The following SEC24B variants were observed in gnomAD, a reference collection of about 807,000 sequenced individuals.
SEC24B encodes protein transport protein Sec24B.
In SEC24B, 45 loss-of-function variants were observed where a neutral mutation model predicts 142.8. The observed-to-expected ratio is 0.32, with a 90% CI of 0.25 to 0.40. The LOEUF (loss-of-function observed/expected upper bound fraction) is 0.40. SEC24B is among the 10% of genes least tolerant of loss of function. The pLI is 1.00. For synonymous variants in SEC24B, 574 were observed against 568.2 expected (o/e 1.01, Z -0.15); for missense variants, 1,409 against 1,526.8 (o/e 0.92, Z 1.29).
intron 22 of SEC24B, among the ~76,000 whole-genome samples, chr4:109,534,512 G>A (rs925543612): frequency 3.9e-5 from 6 of 151,908 alleles, no homozygotes; most frequent in East Asian, 1.9e-4. Flanking sequence ...GTGTGAACTC[G>A]GGAGGCGGAG....
chr4:109,517,863 G>A lies in SEC24B; in HGVS notation c.2126+1223G>A, dbSNP rs572513375. Among the ~76,000 whole-genome samples the A allele has an allele frequency of 1.3e-3, 205 of 152,308 alleles. 2 individuals are homozygous for A. Among genetic ancestry groups the A allele is most frequent in the Non-Finnish European group, 2.1e-3 (146 of 68,032 alleles). On this transcript the variant is annotated intron_variant, in intron 11 of 23. Coordinates refer to ENST00000265175, the MANE Select transcript of SEC24B (RefSeq NM_006323.5). ...GTTTTAATTGCACTGATGACAGAAT[G>A]AGCTGGTTTAAAGGGAAGGAGGGAA...
At chr4:109,438,951 C>T (rs1200555150) in intron 1 of SEC24B, among the ~76,000 whole-genome samples, 3 of 152,150 alleles carry the variant, frequency 2.0e-5, no homozygotes, top group African/African-American at 4.8e-5. Flanking sequence ...AGTCCTCAAA[C>T]GTAGGAAGAC....
Position 109,536,839 on chromosome 4 carries a change from T to C in SEC24B, c.3589-1654T>C, listed in dbSNP as rs79598618. Among the ~76,000 whole-genome samples, 130 of 152,212 alleles carry C rather than the reference T, an allele frequency of 8.5e-4. 2 individuals carry two copies. Among genetic ancestry groups the C allele is most frequent in the African/African-American group, 2.9e-3 (120 of 41,550 alleles). ...CCACTGCGCCTGGCCAAATTTTTTT[T>C]TTTTTTATAATATTAGAATGGGTAA... On this transcript the variant is annotated intron_variant, in intron 22 of 23. Coordinates refer to ENST00000265175, the MANE Select transcript of SEC24B (RefSeq NM_006323.5).
chr4:109,537,955 G>C (rs6533432), intron 22 of SEC24B, among the ~76,000 whole-genome samples: 17,647 of 151,998 alleles, frequency 0.12, 3,409 homozygotes, highest in African/African-American at 0.4. Context: ...ACCTTTTTAT[G>C]TATATAAAAA....
In SEC24B at chr4:109,506,394, C is replaced by T. The variant is rs371520009; in HGVS notation, c.1555C>T (p.Pro519Ser). 9.9e-6 allele frequency: 16 copies of T among 1,610,660 alleles called. No individual in the cohort carries two copies. The African/African-American group carries it at 1.7e-4, about 17-fold the overall frequency. Residue 519 changes from proline to serine, a missense_variant, in exon 7 of 24, where the codon CCA (proline) becomes TCA (serine). Coordinates refer to ENST00000265175, the MANE Select transcript of SEC24B (RefSeq NM_006323.5). The part of the protein sequence containing the change: ...GGLSLQSSPQ[P>S]ESLRPVNLTQ... ...ATTGAGTCTTCAGAGTTCTCCACAA[C>T]CAGAAAGCCTGAGACCTGTAAACCT...
intron 4 of SEC24B, among the ~76,000 whole-genome samples, chr4:109,484,295 C>G (rs1376734507): frequency 2.0e-5 from 3 of 152,162 alleles, no homozygotes; most frequent in African/African-American, 7.2e-5. Context: ...TGATTAGATT[C>G]AGACCATGCA....
intron 2 of SEC24B, among the ~76,000 whole-genome samples, chr4:109,469,464 A>G (rs1732298385): frequency 1.3e-5 from 2 of 152,230 alleles, no homozygotes; most frequent in Admixed American, 1.3e-4. Flanking sequence ...TTATCCAGAT[A>G]AACACAAATG....
chr4:109,469,125 C>CA (rs200681422), intron 2 of SEC24B, among the ~76,000 whole-genome samples: 107 of 150,652 alleles, frequency 7.1e-4, no homozygotes, highest in African/African-American at 2.2e-3. Flanking sequence ...CCATAATTAT[C>CA]AAAAAAAAAG....
chr4:109,534,213 T>A (rs1725242692), intron 22 of SEC24B, among the ~76,000 whole-genome samples: 1 of 152,036 alleles, frequency 6.6e-6, no homozygotes, highest in African/African-American at 2.4e-5. Context: ...AAAATAACTT[T>A]CAAATGGATC....
chr4:109,520,828 G>A (rs1723525557), intron 12 of SEC24B, among the ~76,000 whole-genome samples: 1 of 152,002 alleles, frequency 6.6e-6, no homozygotes, highest in Admixed American at 6.6e-5. Flanking sequence ...CCCCGTCTCT[G>A]CTAAAAATGC....
At chr4:109,516,130 C>T (rs186045391) in intron 10 of SEC24B, among the ~76,000 whole-genome samples, 1 of 152,292 alleles carries the variant, frequency 6.6e-6, no homozygotes, top group East Asian at 1.9e-4. Flanking sequence ...CAGTCACCTC[C>T]AGGTAAACCA....
chr4:109,528,195 C>T (rs1172944781), intron 18 of SEC24B, among the ~76,000 whole-genome samples: 2 of 151,850 alleles, frequency 1.3e-5, no homozygotes, highest in African/African-American at 2.4e-5. Flanking sequence ...CTGAAGTGGG[C>T]GGATCACTTG....
chr4:109,524,742 C>G, intron 14 of SEC24B, 76 bp from the exon 15 acceptor site: 2 of 1,402,690 alleles, frequency 1.4e-6, no homozygotes, highest in Non-Finnish European at 1.9e-6. Context: ...CAGAGGATAT[C>G]CTTTTTGTTA....
At chr4:109,537,997 C>G (rs1725746682) in intron 22 of SEC24B, among the ~76,000 whole-genome samples, 2 of 152,024 alleles carry the variant, frequency 1.3e-5, no homozygotes, top group South Asian at 2.1e-4. Context: ...TTAAAATAGT[C>G]TCGCGTATAG....
intron 1 of SEC24B, among the ~76,000 whole-genome samples, chr4:109,442,551 G>A (rs1729034407): frequency 6.6e-6 from 1 of 152,002 alleles, no homozygotes; most frequent in African/African-American, 2.4e-5. Flanking sequence ...CTTGTACTTT[G>A]CTGACCTTGA....
chr4:109,537,109 AG>A (rs1430997092), intron 22 of SEC24B, among the ~76,000 whole-genome samples: 3 of 152,184 alleles, frequency 2.0e-5, no homozygotes, highest in Non-Finnish European at 2.9e-5. Flanking sequence ...GGATTTTAAT[AG>A]GCAATTCATA....
chr4:109,456,466 T>C (rs1323472098), intron 1 of SEC24B, among the ~76,000 whole-genome samples: 2 of 151,838 alleles, frequency 1.3e-5, no homozygotes, highest in East Asian at 3.9e-4. Flanking sequence ...TTGCCTTCCA[T>C]GTAATCAATG....
intron 3 of SEC24B, among the ~76,000 whole-genome samples, chr4:109,474,881 T>C (rs1732938375): frequency 6.6e-6 from 1 of 152,242 alleles, no homozygotes. Context: ...AAGCTGCCAT[T>C]TATTGAGCAC....
chr4:109,539,528 A>G, intron 23 of SEC24B, 33 bp from the exon 24 acceptor site: 1 of 1,336,356 alleles, frequency 7.5e-7, no homozygotes, highest in Non-Finnish European at 1.1e-6. Context: ...GCTTTTAAAT[A>G]CGTTTAGACA....
Sources: allele counts gnomAD v4.1 joint callset (sites outside exome capture counted in the v4.1 genomes callset), GRCh38; gene constraint gnomAD v4.1.1; transcripts MANE v1.5; gene names NCBI Gene and HGNC (gene_info 2026-07-23, HGNC 2026-07-21).